Variants in TULP4 observed in about 807,000 individuals in gnomAD.
TULP4 encodes tubby-related protein 4.
A neutral mutation model predicts 129.0 loss-of-function variants in TULP4; 16 were observed. The ratio of observed to expected loss-of-function variants is 0.12; its 90% CI spans 0.08 to 0.19. The LOEUF is 0.19. Among genes scored for constraint, TULP4 ranks in the 10% least tolerant of loss-of-function variants. TULP4 has a pLI of 1.00. For synonymous variants in TULP4, 998 were observed against 854.0 expected, an observed-to-expected ratio of 1.17 and a Z score of -2.94; for missense variants, 1,842 against 2,059.1, an observed-to-expected ratio of 0.89 and a Z score of 2.04.
intron 1 of TULP4, among the ~76,000 whole-genome samples, chr6:158,244,178 CCTT>C (rs1225802849): frequency 6.6e-6 from 1 of 152,110 alleles, no homozygotes; most frequent in African/African-American, 2.4e-5. Flanking sequence ...GCACCTGAGT[CCTT>C]CTGACACGTC....
chr6:158,388,335 T>TTTTC (rs1777502213), intron 1 of TULP4, among the ~76,000 whole-genome samples: 1 of 133,774 alleles, frequency 7.5e-6, no homozygotes, highest in South Asian at 2.6e-4. Context: ...TTTTTTTTTT[T>TTTTC]TTTTTTTTTT....
intron 3 of TULP4, among the ~76,000 whole-genome samples, chr6:158,432,111 T>TA (rs1205023265): frequency 0.033 from 3,578 of 107,186 alleles, 128 homozygotes; most frequent in African/African-American, 0.1. Flanking sequence ...AAAAAAAAAT[T>TA]AAAAAAAAAA....
At chr6:158,301,002 A>G (rs1832871) in intron 1 of TULP4, among the ~76,000 whole-genome samples, 105,447 of 152,078 alleles carry the variant, frequency 0.69, 36,847 homozygotes, top group East Asian at 0.89. Context: ...CATGGGTCCC[A>G]GTAGAGTGGT....
chr6:158,438,728 G>A (rs1299178058), intron 3 of TULP4, among the ~76,000 whole-genome samples: 2 of 152,012 alleles, frequency 1.3e-5, no homozygotes, highest in African/African-American at 4.8e-5. Context: ...GGGATTACAG[G>A]CACGCACCAC....
At chr6:158,326,109 C>T (rs558512389) in intron 1 of TULP4, among the ~76,000 whole-genome samples, 1 of 152,132 alleles carries the variant, frequency 6.6e-6, no homozygotes, top group African/African-American at 2.4e-5. Flanking sequence ...GGTTATTATT[C>T]AGTGTTTACA....
chr6:158,370,254 C>T (rs546177863), intron 1 of TULP4, among the ~76,000 whole-genome samples: 7 of 151,736 alleles, frequency 4.6e-5, no homozygotes, highest in Admixed American at 1.3e-4. Context: ...GTCAGGAGTT[C>T]GAGACCAGCC....
At chr6:158,464,787 G>GTATC (rs984772023) in intron 6 of TULP4, among the ~76,000 whole-genome samples, 1 of 152,126 alleles carries the variant, frequency 6.6e-6, no homozygotes, top group African/African-American at 2.4e-5. Flanking sequence ...ACCTTAAAAG[G>GTATC]TATCAGACTC....
upstream of TULP4, among the ~76,000 whole-genome samples, chr6:158,311,363 G>A (rs1297797921): frequency 6.6e-6 from 1 of 152,070 alleles, no homozygotes; most frequent in Non-Finnish European, 1.5e-5. Context: ...GACTGGCGGG[G>A]CGGGAGGGCA....
At chr6:158,393,852 C>A (rs571304949) in intron 1 of TULP4, among the ~76,000 whole-genome samples, 1 of 152,200 alleles carries the variant, frequency 6.6e-6, no homozygotes, top group Non-Finnish European at 1.5e-5. Context: ...ATCGTCTTGG[C>A]GATTAACATT....
chr6:158,274,620 C>CA (rs755635604), intron 1 of TULP4, among the ~76,000 whole-genome samples: 2 of 151,924 alleles, frequency 1.3e-5, no homozygotes, highest in South Asian at 2.1e-4. Context: ...ACTAAAAATA[C>CA]AAAAAAATCA....
chr6:158,487,904 C>T (rs767691506), intron 8 of TULP4, among the ~76,000 whole-genome samples: 5 of 152,210 alleles, frequency 3.3e-5, no homozygotes, highest in Non-Finnish European at 5.9e-5. Flanking sequence ...GGGGTTAAAG[C>T]AGGAGGCAGG....
intron 1 of TULP4, among the ~76,000 whole-genome samples, chr6:158,382,888 T>C (rs1777360414): frequency 6.6e-6 from 1 of 152,206 alleles, no homozygotes; most frequent in South Asian, 2.1e-4. Context: ...ATTAGAGCAA[T>C]GCCCTTTTCA....
rs1231508284 is a variant in TULP4, at chr6:158,302,761, T to C, written n.117-9290T>C. Among the ~76,000 whole-genome samples, 4 of 152,208 alleles carry C rather than the reference T, an allele frequency of 2.6e-5. No homozygotes were observed. In the East Asian group the frequency reaches 7.7e-4, roughly 29 times the overall value. On this transcript the variant is annotated intron_variant and non_coding_transcript_variant, in intron 1 of 1. Coordinates refer to the TULP4 transcript ENST00000432358. ...CGAGTCCGGGAACAAACCCCATGTT[T>C]TCCATTATATTTTGACTGGGAGCAC...
intron 1 of TULP4, among the ~76,000 whole-genome samples, chr6:158,383,491 G>A (rs1203533877): frequency 6.6e-6 from 1 of 152,186 alleles, no homozygotes; most frequent in African/African-American, 2.4e-5. Context: ...TTCGAGTTGA[G>A]GTAGTTGCCT....
chr6:158,291,509 A>G (rs1183982454), intron 1 of TULP4, among the ~76,000 whole-genome samples: 1 of 152,026 alleles, frequency 6.6e-6, no homozygotes, highest in Non-Finnish European at 1.5e-5. Context: ...AAGTGTGCCC[A>G]GGTGTGGATT....
intron 2 of TULP4, chr6:158,428,519 C>A (rs886757289): frequency 6.6e-6 from 1 of 152,116 alleles, no homozygotes; most frequent in African/African-American, 2.4e-5. Flanking sequence ...AAATAACTTA[C>A]CACAATAGAT....
At chr6:158,423,129 G>A (rs969536756) in intron 2 of TULP4, among the ~76,000 whole-genome samples, 1 of 151,056 alleles carries the variant, frequency 6.6e-6, no homozygotes, top group South Asian at 2.1e-4. Flanking sequence ...AAGAGGGGGG[G>A]GGGGGGAAAG....
At chr6:158,410,089 C>T (rs1181346712) in intron 1 of TULP4, among the ~76,000 whole-genome samples, 1 of 152,110 alleles carries the variant, frequency 6.6e-6, no homozygotes, top group South Asian at 2.1e-4. Context: ...CTCCTGACCT[C>T]GTCATCTGCC....
chr6:158,238,774 C>A (rs1419197530), intron 1 of TULP4, among the ~76,000 whole-genome samples: 1 of 102,398 alleles, frequency 9.8e-6, no homozygotes, highest in Non-Finnish European at 2.1e-5. Context: ...GATCCCAAGG[C>A]AGAAGAATTT....
Sources: allele counts gnomAD v4.1 joint callset (sites outside exome capture counted in the v4.1 genomes callset), GRCh38; gene constraint gnomAD v4.1.1; transcripts MANE v1.5; gene names NCBI Gene and HGNC (gene_info 2026-07-23, HGNC 2026-07-21).